The following RYR3 variants were observed in gnomAD, a reference collection of about 807,000 sequenced individuals.
The protein encoded by RYR3 is ryanodine receptor 3, also known as brain ryanodine receptor-calcium release channel.
In RYR3, 207 loss-of-function variants were observed where a neutral mutation model predicts 584.3. The ratio of observed to expected loss-of-function variants is 0.35; its 90% CI spans 0.32 to 0.40. The LOEUF is 0.40. RYR3 is among the 10% of genes least tolerant of loss of function. The pLI is 1.00. For synonymous variants in RYR3, 2,416 were observed against 2,248.5 expected, an observed-to-expected ratio of 1.07 and a Z score of -2.11; for missense variants, 5,616 against 6,089.2, an observed-to-expected ratio of 0.92 and a Z score of 2.59.
chr15:33,594,867 C>T (rs1193895550), intron 16 of RYR3, among the ~76,000 whole-genome samples: 1 of 152,206 alleles, frequency 6.6e-6, no homozygotes, highest in African/African-American at 2.4e-5. Context: ...ATGATTATTA[C>T]TGATAATGTA....
chr15:33,843,090 TG>T (rs1276532286), intron 91 of RYR3, among the ~76,000 whole-genome samples: 1 of 151,866 alleles, frequency 6.6e-6, no homozygotes, highest in African/African-American at 2.4e-5. Context: ...GAGGCCGAGA[TG>T]GGTGGATCAC....
At chr15:33,683,746 C>T (rs1269417523) in intron 38 of RYR3, among the ~76,000 whole-genome samples, 1 of 152,256 alleles carries the variant, frequency 6.6e-6, no homozygotes, top group Non-Finnish European at 1.5e-5. Flanking sequence ...GAAGCCGTGA[C>T]AGACTGTACC....
intron 38 of RYR3, among the ~76,000 whole-genome samples, chr15:33,679,878 T>C (rs960980391): frequency 6.6e-6 from 1 of 152,244 alleles, no homozygotes; most frequent in African/African-American, 2.4e-5. Flanking sequence ...GAATCCATTT[T>C]ATGGTTTATT....
rs920135581 is a variant in RYR3, at chr15:33,752,404, G to T, written c.8399+2118G>T. 2.0e-5 allele frequency among the ~76,000 whole-genome samples: 3 copies of T among 151,884 alleles called. No homozygotes were observed. In the East Asian group the frequency reaches 5.8e-4, roughly 29 times the overall value. On this transcript the variant is annotated intron_variant, in intron 57 of 103. Coordinates refer to ENST00000634891, the MANE Select transcript of RYR3 (RefSeq NM_001036.6). ...ATTTGTTTGTGTCCTCTCTTATTTC[G>T]TTGAGCATTGATTTGTAGTTCTCCT...
chr15:33,431,668 AG>A (rs1567222320), intron 1 of RYR3, among the ~76,000 whole-genome samples: 1 of 152,080 alleles, frequency 6.6e-6, no homozygotes, highest in African/African-American at 2.4e-5. Context: ...CAGGAGGCTG[AG>A]GTTGGAGGAT....
rs2060283987 is a variant in RYR3 at position 33,613,235 on chromosome 15, T to C, written c.2217T>C (p.Asp739=). The change falls in exon 19 of 104, where the codon GAT becomes GAC. Residue 739 remains aspartate, a synonymous_variant. Coordinates refer to ENST00000634891, the MANE Select transcript of RYR3 (RefSeq NM_001036.6). ...ASINQHLLRS[D]DVVSCCLDLG... is the part of the protein sequence containing the mutation. Reference sequence around the variant, plus strand: ...TCAACCAGCACCTCCTGAGATCGGATGACGTGGTAAGCTGCTGCCTGGACC... The same window carrying C: ...TCAACCAGCACCTCCTGAGATCGGACGACGTGGTAAGCTGCTGCCTGGACC... 6.2e-7 allele frequency: 1 copy of C among 1,613,954 alleles called. No homozygotes were observed. The highest frequency in any genetic ancestry group is 8.5e-7 in the Non-Finnish European group (1 of 1,179,860).
intron 27 of RYR3, among the ~76,000 whole-genome samples, chr15:33,637,177 AT>A (rs552967369): frequency 2.0e-5 from 3 of 152,228 alleles, no homozygotes; most frequent in African/African-American, 7.2e-5. Context: ...ATATAACTAC[AT>A]TATGTACACA....
intron 19 of RYR3, among the ~76,000 whole-genome samples, chr15:33,619,913 C>T (rs1160722520): frequency 2.0e-5 from 3 of 152,070 alleles, no homozygotes; most frequent in Non-Finnish European, 4.4e-5. Flanking sequence ...TTTCTGGGAC[C>T]CTTTTGTAGT....
chr15:33,748,347 G>A (rs1429189017), intron 54 of RYR3, 87 bp downstream of exon 54: 3 of 1,541,106 alleles, frequency 1.9e-6, no homozygotes, highest in East Asian at 2.3e-5. Context: ...TCGTAGGTGG[G>A]ACCATCTAAG....
rs560586685 is a variant in RYR3, at chr15:33,515,523, C to T, written c.279+11785C>T. Among the ~76,000 whole-genome samples, 104 of 152,364 alleles carry T rather than the reference C, an allele frequency of 6.8e-4. No homozygotes were observed. The Middle Eastern group carries it at 0.02, about 30-fold the overall frequency. The stretch of plus-strand genomic sequence containing the variant: ...ATGCCAATTCCTCTTTTCATAACTT[C>T]AGTCTTTCCTATGGCACAAATCCCT... On this transcript the variant is annotated intron_variant, in intron 3 of 103. Transcript: ENST00000634891.
At chr15:33,544,118 A>C (rs555601259) in intron 8 of RYR3, among the ~76,000 whole-genome samples, 1 of 152,270 alleles carries the variant, frequency 6.6e-6, no homozygotes, top group African/African-American at 2.4e-5. Flanking sequence ...TGGATTTAGC[A>C]GGGGGTAGTG....
chr15:33,811,205 T>A (rs1017042203), intron 72 of RYR3, among the ~76,000 whole-genome samples, 168 bp downstream of exon 72: 39 of 152,118 alleles, frequency 2.6e-4, no homozygotes, highest in Non-Finnish European at 3.5e-4. Context: ...AATTTTTTTT[T>A]AAAAATTTAC....
chr15:33,450,845 T>C lies in RYR3; in HGVS notation c.52-22574T>C, dbSNP rs1287737601. Among the ~76,000 whole-genome samples the C allele has an allele frequency of 2.0e-5, 3 of 152,166 alleles. No individual in the cohort carries two copies. The East Asian group carries it at 5.8e-4, about 29-fold the overall frequency. ...AATCCTGTGTGTCTCCTATTCCACT[T>C]ACTCCTCAAGGCCCCAAGGTAGGAC... On this transcript the variant is annotated intron_variant, in intron 1 of 103. Coordinates refer to ENST00000634891, the MANE Select transcript of RYR3 (RefSeq NM_001036.6).
chr15:33,703,516 A>G (rs902187750), intron 42 of RYR3, among the ~76,000 whole-genome samples: 3 of 152,054 alleles, frequency 2.0e-5, no homozygotes, highest in Admixed American at 6.6e-5. Context: ...TATCCTTGCT[A>G]TCTCTCTGTG....
intron 1 of RYR3, among the ~76,000 whole-genome samples, chr15:33,345,330 A>G (rs1489282223): frequency 2.6e-5 from 4 of 152,162 alleles, no homozygotes; most frequent in Non-Finnish European, 1.5e-5. Context: ...CAGCTATTTT[A>G]TAATTTTCAG....
intron 1 of RYR3, among the ~76,000 whole-genome samples, chr15:33,321,295 A>G (rs1486963281): frequency 6.6e-6 from 1 of 152,226 alleles, no homozygotes; most frequent in Non-Finnish European, 1.5e-5. Context: ...ATCCAAGGAT[A>G]CAAAGCATGG....
intron 29 of RYR3, 57 bp from the exon 30 acceptor site, chr15:33,647,367 A>G: frequency 2.8e-6 from 4 of 1,416,982 alleles, no homozygotes; most frequent in Non-Finnish European, 4.0e-6. Flanking sequence ...TGCCTGTCGG[A>G]ACTGTGGGAT....
chr15:33,840,523 C>A, intron 89 of RYR3: 1 of 384,750 alleles, frequency 2.6e-6, no homozygotes, highest in Non-Finnish European at 4.7e-6. Flanking sequence ...TCTTTCTGAC[C>A]CTGTGGAGCA....
At chr15:33,732,087 A>C (rs1596345634) in intron 48 of RYR3, among the ~76,000 whole-genome samples, 1 of 152,260 alleles carries the variant, frequency 6.6e-6, no homozygotes, top group South Asian at 2.1e-4. Context: ...AGTGTGAATA[A>C]AAGCAACCTA....
Sources: allele counts gnomAD v4.1 joint callset (sites outside exome capture counted in the v4.1 genomes callset), GRCh38; gene constraint gnomAD v4.1.1; transcripts MANE v1.5; gene names NCBI Gene and HGNC (gene_info 2026-07-23, HGNC 2026-07-21).